HNF4A: variants seen among roughly 807,000 people sequenced by gnomAD.
The protein encoded by HNF4A is hepatocyte nuclear factor 4 alpha.
In HNF4A, 15 loss-of-function variants were observed where a neutral mutation model predicts 52.4. That is an observed-to-expected ratio of 0.29 (90% CI 0.19 to 0.44). The LOEUF (loss-of-function observed/expected upper bound fraction) is 0.44, where lower values mean the gene tolerates loss of function less well. Among genes scored for constraint, HNF4A ranks in the 20% least tolerant of loss-of-function variants. The pLI is 1.00. For synonymous variants in HNF4A, 280 were observed against 264.4 expected (o/e 1.06, Z -0.57); for missense variants, 479 against 647.2 (o/e 0.74, Z 2.82).
intron 1 of HNF4A, among the ~76,000 whole-genome samples, chr20:44,360,873 G>C (rs577218545): frequency 6.6e-5 from 10 of 152,248 alleles, no homozygotes; most frequent in African/African-American, 2.4e-4. Context: ...CTGGTCCTCA[G>C]TTTCTTCACC....
intron 1 of HNF4A, among the ~76,000 whole-genome samples, chr20:44,365,352 T>G (rs1248775966): frequency 6.6e-6 from 1 of 152,060 alleles, no homozygotes; most frequent in Admixed American, 6.6e-5. Context: ...ATTTTTATTT[T>G]TTTGTAGTGA....
At position 44,429,632 on chromosome 20, in the gene HNF4A, C is replaced by A. The variant is rs757133445; in HGVS notation, c.1392C>A (p.Pro464=). 2 of 1,614,066 alleles carry A rather than the reference C, an allele frequency of 1.2e-6. No individual in the cohort carries two copies. Among genetic ancestry groups the A allele is most frequent in the East Asian group, 2.2e-5 (1 of 44,826 alleles). ...TCGTCAAGCCCCTCTCTGCCATCCC[C>A]CAGCCGACCATCACCAAGCAGGAAG... The change falls in exon 10 of 10, where the codon CCC becomes CCA. Residue 464 remains proline, a synonymous_variant. Coordinates refer to ENST00000316099, the MANE Select transcript of HNF4A (RefSeq NM_000457.6).
chr20:44,364,658 C>T (rs527504789), intron 1 of HNF4A, among the ~76,000 whole-genome samples: 10 of 152,130 alleles, frequency 6.6e-5, no homozygotes, highest in African/African-American at 1.7e-4. Flanking sequence ...TTACTAGAGA[C>T]GGACTTTCAC....
intron 5 of HNF4A, among the ~76,000 whole-genome samples, chr20:44,417,421 A>T (rs1484818036): frequency 6.6e-6 from 1 of 152,176 alleles, no homozygotes; most frequent in Non-Finnish European, 1.5e-5. Flanking sequence ...CATCAAGCTG[A>T]TTCTCTGCCA....
chr20:44,409,403 T>C (rs2063549410), intron 3 of HNF4A, among the ~76,000 whole-genome samples: 1 of 152,162 alleles, frequency 6.6e-6, no homozygotes, highest in African/African-American at 2.4e-5. Context: ...AACATTTCTG[T>C]GGTTGTATTA....
At position 44,403,905 on chromosome 20, in the gene HNF4A, C is replaced by T. The variant is rs544402215; in HGVS notation, c.116-2153C>T. Among the ~76,000 whole-genome samples, 3 of 152,322 alleles carry T rather than the reference C, an allele frequency of 2.0e-5. No homozygotes were observed. The East Asian group carries it at 5.8e-4, about 29-fold the overall frequency. On this transcript the variant is annotated intron_variant, in intron 1 of 9. Transcript: ENST00000316099. ...GAGGTGGGAGCTACTTCCCCAGCCT[C>T]CTGCTGAATGGCCAGGAGCTGTGGG... is the stretch of plus-strand genomic sequence containing the variant.
intron 8 of HNF4A, 21 bp from the exon 9 acceptor site, chr20:44,428,314 A>C: frequency 6.2e-7 from 1 of 1,613,538 alleles, no homozygotes; most frequent in African/African-American, 1.3e-5. Flanking sequence ...CTCCATCCTG[A>C]TCGACCTTCT....
intron 1 of HNF4A, among the ~76,000 whole-genome samples, chr20:44,358,057 G>C (rs2062876685): frequency 6.7e-6 from 1 of 149,468 alleles, no homozygotes; most frequent in Non-Finnish European, 1.5e-5. Flanking sequence ...ATGTGTGTGA[G>C]AGTGGCTGAA....
chr20:44,411,709 G>A (rs891308167), intron 3 of HNF4A, among the ~76,000 whole-genome samples: 14 of 152,318 alleles, frequency 9.2e-5, no homozygotes, highest in African/African-American at 2.9e-4. Flanking sequence ...TCAACATCAA[G>A]AGAAAGTTGA....
At position 44,428,494 on chromosome 20, in the gene HNF4A, A is replaced by G. The variant is rs1220488416; in HGVS notation, c.1282+7A>G. Reference sequence around the variant, plus strand: ...CGACCCAGGGGACAGGCAGGTGGGCAAACTCTGGGATTTTACCTTGCAAAG... The same window carrying G: ...CGACCCAGGGGACAGGCAGGTGGGCGAACTCTGGGATTTTACCTTGCAAAG... On this transcript the variant is annotated splice_region_variant and intron_variant, in intron 9 of 9. Transcript: ENST00000316099. The G allele has an allele frequency of 3.1e-6, 5 of 1,613,368 alleles. No homozygotes were observed. The African/African-American group carries it at 5.3e-5, about 17-fold the overall frequency.
At chr20:44,422,856 A>G (rs1310407206) in intron 7 of HNF4A, among the ~76,000 whole-genome samples, 1 of 151,576 alleles carries the variant, frequency 6.6e-6, no homozygotes, top group East Asian at 2.0e-4. Context: ...TTTTTGTATT[A>G]TCAGTAGAGA....
intron 1 of HNF4A, among the ~76,000 whole-genome samples, chr20:44,358,551 A>G (rs2062883771): frequency 6.6e-6 from 1 of 152,220 alleles, no homozygotes; most frequent in Non-Finnish European, 1.5e-5. Context: ...TAGAGGTTGC[A>G]TTAAGCTGAG....
Position 44,419,804 on chromosome 20 carries a change from C to A in HNF4A, c.820C>A (p.Leu274Met). The change falls in exon 7 of 10, where the codon CTG becomes ATG. Residue 274 changes from leucine to methionine, a missense_variant. Coordinates refer to ENST00000316099, the MANE Select transcript of HNF4A (RefSeq NM_000457.6). ...CATACGCATCCTTGACGAGCTGGTG[C>A]TGCCCTTCCAGGAGCTGCAGATCGA... The A allele has an allele frequency of 6.2e-7, 1 of 1,614,138 alleles. No homozygotes were observed. Among genetic ancestry groups the A allele is most frequent in the East Asian group, 2.2e-5 (1 of 44,884 alleles).
intron 5 of HNF4A, 34 bp downstream of exon 5, chr20:44,414,696 G>T (rs754497914): frequency 3.8e-6 from 6 of 1,575,486 alleles, no homozygotes; most frequent in Non-Finnish European, 5.2e-6. Context: ...GCAGTAGTGG[G>T]CAGTGGGCGG....
At chr20:44,402,299 G>A (rs1054452254) in intron 1 of HNF4A, among the ~76,000 whole-genome samples, 13 of 152,098 alleles carry the variant, frequency 8.5e-5, no homozygotes, top group Admixed American at 2.6e-4. Flanking sequence ...CTGTGTGTGC[G>A]GGTCATAGAG....
chr20:44,423,203 C>G (rs2063770746), intron 7 of HNF4A, among the ~76,000 whole-genome samples: 1 of 152,094 alleles, frequency 6.6e-6, no homozygotes, highest in Non-Finnish European at 1.5e-5. Flanking sequence ...GTAATCCCAG[C>G]TACTCGGGAG....
chr20:44,395,913 G>T (rs1011986006), intron 1 of HNF4A, among the ~76,000 whole-genome samples: 46 of 152,188 alleles, frequency 3.0e-4, no homozygotes, highest in African/African-American at 1.0e-3. Flanking sequence ...AAGGGGAAGT[G>T]AAGATGCCAA....
rs1004992144 is a variant in HNF4A at position 44,431,183 on chromosome 20, A to G, written c.*1518A>G. 19 of 152,150 alleles carry G rather than the reference A, an allele frequency of 1.2e-4. No individual in the cohort carries two copies. Among genetic ancestry groups the G allele is most frequent in the African/African-American group, 4.6e-4 (19 of 41,390 alleles). The allele number at this position is 152,150 out of a possible 1,614,324, so 9.4% of individuals were successfully genotyped here. ...TGGATCAGAACAGGAGCTCTTAACTACAGTGGCTGAATAGCTTCTCCAAAG... is the reference window on the plus strand; with the variant it reads ...TGGATCAGAACAGGAGCTCTTAACTGCAGTGGCTGAATAGCTTCTCCAAAG... On this transcript the variant is annotated 3_prime_UTR_variant, in exon 10 of 10. Transcript: ENST00000316099.
chr20:44,396,278 G>A (rs562484356), upstream of HNF4A, among the ~76,000 whole-genome samples: 13 of 152,180 alleles, frequency 8.5e-5, no homozygotes, highest in Non-Finnish European at 1.6e-4. Flanking sequence ...CAGATAATAT[G>A]AGAAGGCTAG....
Sources: allele counts gnomAD v4.1 joint callset (sites outside exome capture counted in the v4.1 genomes callset), GRCh38; gene constraint gnomAD v4.1.1; transcripts MANE v1.5; gene names NCBI Gene and HGNC (gene_info 2026-07-23, HGNC 2026-07-21).